The following MS4A7 variants were observed in gnomAD, a reference collection of about 807,000 sequenced individuals.
MS4A7 encodes membrane spanning 4-domains A7, also known as membrane-spanning 4-domains subfamily A member 7.
MS4A7 carries 21 observed loss-of-function variants against 23.5 expected under a neutral mutation model. The observed-to-expected ratio is 0.89, with a 90% CI of 0.63 to 1.29. MS4A7 has a LOEUF of 1.29. Ranked by LOEUF, MS4A7 falls within the 50% of genes most tolerant of loss-of-function variation. The pLI is 0.00. For missense variants in MS4A7, 263 were observed against 274.2 expected, an observed-to-expected ratio of 0.96 and a Z score of 0.29; for synonymous variants, 111 against 107.4, an observed-to-expected ratio of 1.03 and a Z score of -0.21.
intron 1 of MS4A7, among the ~76,000 whole-genome samples, chr11:60,381,530 A>G (rs1290219102): frequency 6.6e-6 from 1 of 152,214 alleles, no homozygotes; most frequent in Non-Finnish European, 1.5e-5. Context: ...GTGTCATTCA[A>G]ATCCTCACAA....
Position 60,394,601 on chromosome 11 carries a change from G to A in MS4A7, c.*740G>A, listed in dbSNP as rs2085591767. 6.5e-6 allele frequency: 1 copy of A among 154,684 alleles called. No homozygotes were observed. Among genetic ancestry groups the A allele is most frequent in the Non-Finnish European group, 1.4e-5 (1 of 69,864 alleles). The allele number at this position is 154,684 out of a possible 1,614,324, so 9.6% of individuals were successfully genotyped here. ...GGATCACCCGAGGTCAGGAGTTTGA[G>A]ACCAGCCTGGCCAACAAGGTGAAAC... On this transcript the variant is annotated 3_prime_UTR_variant, in exon 7 of 7. Transcript: ENST00000300184.
At chr11:60,392,508 C>T (rs1405788546) in intron 5 of MS4A7, among the ~76,000 whole-genome samples, 177 bp from the exon 6 acceptor site, 1 of 152,318 alleles carries the variant, frequency 6.6e-6, no homozygotes, top group Non-Finnish European at 1.5e-5. Context: ...GATGCCGTTG[C>T]TGCTTATTTC....
chr11:60,384,577 A>G (rs563533775), intron 2 of MS4A7, among the ~76,000 whole-genome samples: 6 of 152,344 alleles, frequency 3.9e-5, no homozygotes, highest in South Asian at 2.1e-4. Flanking sequence ...GCATTAAACT[A>G]TGAGCAAAAG....
intron 6 of MS4A7, 146 bp downstream of exon 6, chr11:60,392,932 T>G (rs918042627): frequency 1.3e-4 from 76 of 605,508 alleles, no homozygotes; most frequent in Non-Finnish European, 1.9e-4. Flanking sequence ...AAAAAATGAG[T>G]TTAACAGTGA....
chr11:60,393,922 A>T lies in MS4A7; in HGVS notation c.*61A>T, dbSNP rs1590799725. The T allele has an allele frequency of 9.1e-7, 1 of 1,103,114 alleles. No individual in the cohort carries two copies. Among genetic ancestry groups the T allele is most frequent in the Admixed American group, 2.6e-5 (1 of 38,796 alleles). 68.3% of individuals were successfully genotyped at this position (1,103,114 alleles called of 1,614,324 possible). A position where few individuals can be genotyped will look rare whatever the true frequency, so the allele number is the denominator to read the frequency against. ...AACACTCATGGTCAAGTGTGATTAGACTTTCCTGAAATCTCTGCCATTTTA... is the reference window on the plus strand; with the variant it reads ...AACACTCATGGTCAAGTGTGATTAGTCTTTCCTGAAATCTCTGCCATTTTA... On this transcript the variant is annotated 3_prime_UTR_variant, in exon 7 of 7. Transcript: ENST00000300184.
At position 60,386,782 on chromosome 11, in the gene MS4A7, A is replaced by C; in HGVS notation, c.339+9A>C. ...AATCAACTAAGCCCTTTGTAAGTATAAGGACCATCAAATCTCAGCTGGTTG... is the reference window on the plus strand; with the variant it reads ...AATCAACTAAGCCCTTTGTAAGTATCAGGACCATCAAATCTCAGCTGGTTG... On this transcript the variant is annotated intron_variant, in intron 4 of 6. Coordinates refer to ENST00000300184, the MANE Select transcript of MS4A7 (RefSeq NM_021201.5). 1 of 1,599,682 alleles carries C rather than the reference A, an allele frequency of 6.3e-7. No individual in the cohort carries two copies. The highest frequency in any genetic ancestry group is 1.3e-5 in the African/African-American group (1 of 74,586).
At chr11:60,393,656 T>G in intron 6 of MS4A7, 131 bp from the exon 7 acceptor site, 1 of 511,656 alleles carries the variant, frequency 2.0e-6, no homozygotes, top group Non-Finnish European at 3.4e-6. Context: ...TTAATATTGC[T>G]GCAATTACAT....
chr11:60,393,821 T>C lies in MS4A7; in HGVS notation c.683T>C (p.Ile228Thr). 1 of 1,612,424 alleles carries C rather than the reference T, an allele frequency of 6.2e-7. No individual in the cohort carries two copies. Among genetic ancestry groups the C allele is most frequent in the Non-Finnish European group, 8.5e-7 (1 of 1,179,402 alleles). ...TCCTCGACCCAGTCACAAGATCATA[T>C]CCAACAGGTCAAAAAGAGTTCTTCA... is the stretch of plus-strand genomic sequence containing the variant. ...SFSSTQSQDHIQQVKKSSSRS... is the reference protein window; with the variant it reads ...SFSSTQSQDHTQQVKKSSSRS... The change falls in exon 7 of 7, where the codon ATC becomes ACC. Residue 228 changes from isoleucine (I) to threonine (T), a missense_variant. Physicochemically the swap from Ile to Thr is moderately conservative, Grantham distance 89 (BLOSUM62 -1). Transcript: ENST00000300184.
chr11:60,391,802 C>T (rs1200277330), intron 5 of MS4A7, among the ~76,000 whole-genome samples: 1 of 151,766 alleles, frequency 6.6e-6, no homozygotes, highest in Non-Finnish European at 1.5e-5. Context: ...GCCTGTAATC[C>T]TAGCTACTTG....
Position 60,388,201 on chromosome 11 carries a change from C to A in MS4A7, c.340-1189C>A, listed in dbSNP as rs189401024. ...GTTGTTCTTTGTCCCACTTGTGGAGCCCACATTGTTGTCAAGTCCAAGCAT... is the reference window on the plus strand; with the variant it reads ...GTTGTTCTTTGTCCCACTTGTGGAGACCACATTGTTGTCAAGTCCAAGCAT... On this transcript the variant is annotated intron_variant, in intron 4 of 6. Coordinates refer to ENST00000300184, the MANE Select transcript of MS4A7 (RefSeq NM_021201.5). Among the ~76,000 whole-genome samples, 5 of 152,306 alleles carry A rather than the reference C, an allele frequency of 3.3e-5. No individual in the cohort carries two copies. The East Asian group carries it at 7.7e-4, about 23-fold the overall frequency.
Position 60,394,776 on chromosome 11 carries a change from C to T in MS4A7, c.*915C>T, listed in dbSNP as rs7924719. On this transcript the variant is annotated 3_prime_UTR_variant, in exon 7 of 7. Coordinates refer to ENST00000300184, the MANE Select transcript of MS4A7 (RefSeq NM_021201.5). ...GAGACTGCACCACTGCATTCCAGCC[C>T]GGCCTACAAGAACAAAACTCCATCT... 0.27 allele frequency: 76,388 copies of T among 284,796 alleles called. 11,809 individuals are homozygous for T. Among genetic ancestry groups the T allele is most frequent in the Non-Finnish European group, 0.32 (50,390 of 158,974 alleles). 17.6% of individuals were successfully genotyped at this position (284,796 alleles called of 1,614,324 possible).
Position 60,395,289 on chromosome 11 carries a change from C to G in MS4A7, c.*1428C>G, listed in dbSNP as rs887227224. On this transcript the variant is annotated 3_prime_UTR_variant, in exon 7 of 7. Transcript: ENST00000300184. ...TGTGGCTGCAGTTTAACTTTGCACT[C>G]TCTATGCATATGAGGTTTCCTAAAT... 9.6e-6 allele frequency: 2 copies of G among 207,676 alleles called. No individual in the cohort carries two copies. The highest frequency in any genetic ancestry group is 1.9e-5 in the Non-Finnish European group (2 of 105,366). The allele number at this position is 207,676 out of a possible 1,614,324, so 12.9% of individuals were successfully genotyped here. A position where few individuals can be genotyped will look rare whatever the true frequency, so the allele number is the denominator to read the frequency against.
intron 5 of MS4A7, among the ~76,000 whole-genome samples, chr11:60,392,238 T>A (rs952885238): frequency 1.3e-5 from 2 of 151,034 alleles, no homozygotes; most frequent in African/African-American, 4.9e-5. Context: ...CTAGTAGGAG[T>A]CCCAGTGAGA....
At position 60,387,069 on chromosome 11, in the gene MS4A7, C is replaced by A. The variant is rs868303064; in HGVS notation, c.339+296C>A. ...TGTACATTTTTAAATGTACCATGGA[C>A]TCTTTATAGCTTGTAACCTTGACCT... On this transcript the variant is annotated intron_variant, in intron 4 of 6. Transcript: ENST00000300184. Among the ~76,000 whole-genome samples, 11 of 152,324 alleles carry A rather than the reference C, an allele frequency of 7.2e-5. No homozygotes were observed. In the Middle Eastern group the frequency reaches 0.014, roughly 188 times the overall value.
At chr11:60,392,815 C>A in intron 6 of MS4A7, 29 bp downstream of exon 6, 1 of 1,463,454 alleles carries the variant, frequency 6.8e-7, no homozygotes, top group Non-Finnish European at 9.6e-7. Flanking sequence ...CGCCTGATAC[C>A]TGCTGTGTCT....
Position 60,389,683 on chromosome 11 carries a change from T to C in MS4A7, c.546+87T>C, listed in dbSNP as rs543730121. 8.0e-5 allele frequency: 107 copies of C among 1,344,776 alleles called. No homozygotes were observed. In the African/African-American group the frequency reaches 1.4e-3, roughly 18 times the overall value. The allele number at this position is 1,344,776 out of a possible 1,614,324, so 83.3% of individuals were successfully genotyped here. The stretch of plus-strand genomic sequence containing the variant: ...TCTCTGCTTTTCTGGCAGTCTCTGG[T>C]TGGTCGGTCCGAATGCCTGGAGACA... On this transcript the variant is annotated intron_variant, in intron 5 of 6. Coordinates refer to ENST00000300184, the MANE Select transcript of MS4A7 (RefSeq NM_021201.5).
chr11:60,380,929 T>C (rs925817942), intron 1 of MS4A7, among the ~76,000 whole-genome samples: 3 of 152,202 alleles, frequency 2.0e-5, no homozygotes, highest in Non-Finnish European at 4.4e-5. Flanking sequence ...TTAGATGGCC[T>C]GTGCCCAAAT....
At chr11:60,385,339 C>T (rs1178374802) in intron 3 of MS4A7, 117 bp downstream of exon 3, 3 of 1,125,126 alleles carry the variant, frequency 2.7e-6, no homozygotes, top group African/African-American at 3.1e-5. Context: ...AAGGCCTCGA[C>T]TTTCCTTCTA....
At chr11:60,389,220 C>T (rs907338813) in intron 4 of MS4A7, 170 bp from the exon 5 acceptor site, 5 of 596,078 alleles carry the variant, frequency 8.4e-6, no homozygotes, top group Non-Finnish European at 1.5e-5. Context: ...ACATGATTAA[C>T]TAAATAGCGA....
Sources: allele counts gnomAD v4.1 joint callset (sites outside exome capture counted in the v4.1 genomes callset), GRCh38; gene constraint gnomAD v4.1.1; transcripts MANE v1.5; gene names NCBI Gene and HGNC (gene_info 2026-07-23, HGNC 2026-07-21).